SUSD4: variants seen among roughly 807,000 people sequenced by gnomAD.
The protein encoded by SUSD4 is sushi domain containing 4.
Under a neutral mutation model 50.5 loss-of-function variants are expected in SUSD4, and 41 were observed. That is an observed-to-expected ratio of 0.81 (90% CI 0.63 to 1.05). The LOEUF (loss-of-function observed/expected upper bound fraction) is 1.05, where lower values mean the gene tolerates loss of function less well. SUSD4 is among the 50% of genes least tolerant of loss of function. The probability of loss-of-function intolerance (pLI) is 0.00; values close to 1 mark genes in which losing one functional copy is unlikely to be tolerated. For missense variants in SUSD4, 580 were observed against 634.7 expected (o/e 0.91, Z 0.93); for synonymous variants, 257 against 257.3 (o/e 1.00, Z 0.01).
At chr1:223,276,657 C>T (rs1186238140) in intron 3 of SUSD4, among the ~76,000 whole-genome samples, 2 of 152,204 alleles carry the variant, frequency 1.3e-5, no homozygotes, top group Non-Finnish European at 2.9e-5. Context: ...CACATGGAAG[C>T]CACAAGGGAG....
chr1:223,316,086 G>A (rs901545414), intron 2 of SUSD4, among the ~76,000 whole-genome samples: 1 of 152,178 alleles, frequency 6.6e-6, no homozygotes, highest in Non-Finnish European at 1.5e-5. Flanking sequence ...AAGCCTGCAA[G>A]GAAGGGCACC....
At chr1:223,245,718 C>T (rs1660878534) in intron 5 of SUSD4, among the ~76,000 whole-genome samples, 1 of 152,210 alleles carries the variant, frequency 6.6e-6, no homozygotes, top group African/African-American at 2.4e-5. Context: ...GAAGTGGCTA[C>T]CATGCCTGGA....
chr1:223,231,311 T>A lies in SUSD4; in HGVS notation c.725-1923A>T, dbSNP rs1659884219. Among the ~76,000 whole-genome samples, 1 of 151,854 alleles carries A rather than the reference T, an allele frequency of 6.6e-6. No individual in the cohort carries two copies. Reference sequence around the variant, plus strand: ...GTCTGCGGTGGACAGCCTGTCTAGATCTGGTGCAGTGCAGGGAAGGTCCAG... The same window carrying A: ...GTCTGCGGTGGACAGCCTGTCTAGAACTGGTGCAGTGCAGGGAAGGTCCAG... On this transcript the variant is annotated intron_variant, in intron 5 of 8. Transcript: ENST00000366878. This position sits in a 1 kb window ranked among gnomAD's most constrained non-coding sequence, Gnocchi z 4.2.
chr1:223,225,220 G>A (rs1286558981), intron 7 of SUSD4, among the ~76,000 whole-genome samples: 1 of 152,038 alleles, frequency 6.6e-6, no homozygotes, highest in African/African-American at 2.4e-5. Flanking sequence ...GAGGGAGGAG[G>A]CCAAAGGTAA....
intron 3 of SUSD4, among the ~76,000 whole-genome samples, chr1:223,279,652 G>A (rs1296226278): frequency 6.6e-6 from 1 of 152,284 alleles, no homozygotes; most frequent in East Asian, 1.9e-4. Context: ...GAACCAAGTT[G>A]GAAAACACTC....
chr1:223,318,793 G>A (rs1352417632), intron 2 of SUSD4, among the ~76,000 whole-genome samples: 32 of 146,122 alleles, frequency 2.2e-4, no homozygotes, highest in Non-Finnish European at 4.3e-4. Flanking sequence ...CACAGAATTG[G>A]AAAAAACTAC....
intron 5 of SUSD4, among the ~76,000 whole-genome samples, chr1:223,252,236 A>ATATATATATATATATAT (rs1553285715): frequency 1.1e-5 from 1 of 89,728 alleles, no homozygotes; most frequent in African/African-American, 4.1e-5. Flanking sequence ...AAAAAAAAAA[A>ATATATATATATATATAT]ATATATATAT....
chr1:223,276,389 C>T (rs894288626), intron 3 of SUSD4, among the ~76,000 whole-genome samples: 1 of 152,206 alleles, frequency 6.6e-6, no homozygotes, highest in African/African-American at 2.4e-5. Context: ...GTGTGCAAGA[C>T]CGCATGAGGC....
chr1:223,292,378 C>A, intron 3 of SUSD4, 61 bp downstream of exon 3: 3 of 1,579,570 alleles, frequency 1.9e-6, no homozygotes, highest in Non-Finnish European at 8.7e-7. Context: ...CAGCCCTGCA[C>A]CCCTGTGGCC....
intron 2 of SUSD4, among the ~76,000 whole-genome samples, chr1:223,318,505 C>T (rs1666361493): frequency 8.5e-6 from 1 of 117,572 alleles, no homozygotes; most frequent in East Asian, 2.5e-4. Flanking sequence ...TTCTCCACAT[C>T]CTCTCCAGCA....
chr1:223,358,091 C>T (rs1026377258), intron 2 of SUSD4, among the ~76,000 whole-genome samples: 10 of 152,248 alleles, frequency 6.6e-5, no homozygotes, highest in South Asian at 2.1e-4. Context: ...AATTTTAAAT[C>T]GAATTTAAAA....
At position 223,283,687 on chromosome 1, in the gene SUSD4, T is replaced by A. The variant is rs548067825; in HGVS notation, c.361+8752A>T. On this transcript the variant is annotated intron_variant, in intron 3 of 8. Coordinates refer to ENST00000366878, the MANE Select transcript of SUSD4 (RefSeq NM_017982.4). The stretch of plus-strand genomic sequence containing the variant: ...AGTGAGTGTGGCAATTCCTCAAGGA[T>A]CTAGAACTAGAAATACCATTTGACC... Among the ~76,000 whole-genome samples, 15 of 152,290 alleles carry A rather than the reference T, an allele frequency of 9.8e-5. No individual in the cohort carries two copies. In the South Asian group the frequency reaches 3.1e-3, roughly 32 times the overall value.
At chr1:223,232,560 G>A (rs993780538) in intron 5 of SUSD4, among the ~76,000 whole-genome samples, 4 of 152,184 alleles carry the variant, frequency 2.6e-5, no homozygotes, top group African/African-American at 9.7e-5. Flanking sequence ...CCACATAAAT[G>A]TATGCAAGTT....
intron 2 of SUSD4, among the ~76,000 whole-genome samples, chr1:223,295,839 TAAA>T (rs202240339): frequency 8.6e-6 from 1 of 116,766 alleles, no homozygotes. Flanking sequence ...ACTTAAAGTA[TAAA>T]AAAAAAAAAA....
At chr1:223,327,709 G>C (rs111229671) in intron 2 of SUSD4, among the ~76,000 whole-genome samples, 1 of 152,166 alleles carries the variant, frequency 6.6e-6, no homozygotes, top group African/African-American at 2.4e-5. Flanking sequence ...ACAATTCCAG[G>C]TCAGGGCCCC....
chr1:223,256,408 C>T (rs1661695353), intron 5 of SUSD4, among the ~76,000 whole-genome samples: 1 of 152,182 alleles, frequency 6.6e-6, no homozygotes, highest in Admixed American at 6.5e-5. Context: ...ACAGTAATAC[C>T]TGGAGTTGTC....
Position 223,223,541 on chromosome 1 carries a change from A to C in SUSD4, c.1152T>G (p.Ser384Arg). 1.2e-6 allele frequency: 2 copies of C among 1,613,302 alleles called. No individual in the cohort carries two copies. The highest frequency in any genetic ancestry group is 1.7e-6 in the Non-Finnish European group (2 of 1,179,754). Residue 384 changes from serine (S) to arginine (R), a missense_variant, in exon 8 of 9, where the codon AGT becomes AGG. Coordinates refer to ENST00000366878, the MANE Select transcript of SUSD4 (RefSeq NM_017982.4). ...VMLPSYDEAV[S>R]GGLSALGPGY... ...CGGGGCCTAAGGCACTCAAGCCGCCACTCACAGCTTCGTCATAGGACGGGA... is the reference window on the plus strand; with the variant it reads ...CGGGGCCTAAGGCACTCAAGCCGCCCCTCACAGCTTCGTCATAGGACGGGA...
At chr1:223,355,616 G>T (rs1668619617) in intron 2 of SUSD4, among the ~76,000 whole-genome samples, 1 of 151,970 alleles carries the variant, frequency 6.6e-6, no homozygotes, top group Non-Finnish European at 1.5e-5. Flanking sequence ...CAAAAATAAG[G>T]TCTTTTTATA....
At chr1:223,319,883 A>C (rs1666467469) in intron 2 of SUSD4, among the ~76,000 whole-genome samples, 2 of 152,190 alleles carry the variant, frequency 1.3e-5, no homozygotes, top group African/African-American at 4.8e-5. Context: ...GATGGTGGAA[A>C]AGGCAAGGGC....
Sources: gnomAD v4.1 joint callset for allele counts (sites outside exome capture counted in the v4.1 genomes callset) on GRCh38, gnomAD v4.1.1 for gene constraint, Gnocchi (gnomAD v3.1) non-coding constraint, MANE v1.5 for transcripts, NCBI Gene and HGNC (gene_info 2026-07-23, HGNC 2026-07-21) for gene names.